MYCBP2: variants seen among roughly 807,000 people sequenced by gnomAD.
MYCBP2 encodes the protein MYC binding protein 2.
A neutral mutation model predicts 525.3 loss-of-function variants in MYCBP2; 120 were observed. The ratio of observed to expected loss-of-function variants is 0.23; its 90% CI spans 0.20 to 0.27. The LOEUF is 0.27. MYCBP2 is among the 10% of genes least tolerant of loss of function. MYCBP2 has a pLI of 1.00. For synonymous variants in MYCBP2, 1,894 were observed against 1,955.8 expected, an observed-to-expected ratio of 0.97 and a Z score of 0.83; for missense variants, 4,149 against 5,657.1, an observed-to-expected ratio of 0.73 and a Z score of 8.55.
At chr13:77,288,422 A>T in intron 2 of MYCBP2, 46 bp from the exon 3 acceptor site, 1 of 1,472,980 alleles carries the variant, frequency 6.8e-7, no homozygotes, top group Non-Finnish European at 9.4e-7. Flanking sequence ...CTTTTCTATC[A>T]TCAAGTCCCA....
At chr13:77,243,644 C>G (rs2154317359) in intron 16 of MYCBP2, among the ~76,000 whole-genome samples, 162 bp downstream of exon 16, 1 of 151,670 alleles carries the variant, frequency 6.6e-6, no homozygotes, top group Middle Eastern at 3.4e-3. Flanking sequence ...AGAATCTCAT[C>G]CCTTAAACAA....
intron 20 of MYCBP2, among the ~76,000 whole-genome samples, chr13:77,222,197 T>C (rs2065684428): frequency 6.6e-6 from 1 of 152,144 alleles, no homozygotes; most frequent in Non-Finnish European, 1.5e-5. Flanking sequence ...CAAAGCAAAA[T>C]ATCAGTTGGC....
At chr13:77,100,781 T>C (rs1178180415) in intron 55 of MYCBP2, among the ~76,000 whole-genome samples, 1 of 152,080 alleles carries the variant, frequency 6.6e-6, no homozygotes, top group Admixed American at 6.6e-5. Flanking sequence ...CTTTATCATA[T>C]TATGTGCTCT....
chr13:77,076,808 T>C lies in MYCBP2; in HGVS notation c.11766A>G (p.Pro3922=). ...KLISGDAEPT[P]EQEEKALLSS... Reference sequence around the variant, plus strand: ...ACAATAGTGCTTTTTCCTCTTGTTCTGGTGTAGGTTCAGCATCTCCAGAGA... The same window carrying C: ...ACAATAGTGCTTTTTCCTCTTGTTCCGGTGTAGGTTCAGCATCTCCAGAGA... The change falls in exon 68 of 83, where the codon CCA becomes CCG. Residue 3922 remains proline (P), a synonymous_variant. Coordinates refer to ENST00000544440, the MANE Select transcript of MYCBP2 (RefSeq NM_015057.5). 6.2e-7 allele frequency: 1 copy of C among 1,613,402 alleles called. No homozygotes were observed. The highest frequency in any genetic ancestry group is 1.1e-5 in the South Asian group (1 of 90,980).
intron 76 of MYCBP2, 114 bp downstream of exon 76, chr13:77,061,055 G>T (rs1475534325): frequency 8.8e-7 from 1 of 1,140,364 alleles, no homozygotes; most frequent in Non-Finnish European, 1.2e-6. Flanking sequence ...GATCAATGAT[G>T]TCATAATTAA....
intron 28 of MYCBP2, among the ~76,000 whole-genome samples, chr13:77,191,391 T>C (rs1372305256): frequency 6.6e-6 from 1 of 152,196 alleles, no homozygotes; most frequent in Non-Finnish European, 1.5e-5. Context: ...CCTTGTCACC[T>C]TCCTCTATAT....
intron 55 of MYCBP2, among the ~76,000 whole-genome samples, chr13:77,118,131 T>C (rs1253561748): frequency 6.6e-6 from 1 of 152,208 alleles, no homozygotes; most frequent in African/African-American, 2.4e-5. Context: ...ACCATAGTCA[T>C]GCATATGAAC....
chr13:77,140,979 A>G (rs1566680295), intron 49 of MYCBP2, 36 bp from the exon 50 acceptor site: 4 of 1,445,928 alleles, frequency 2.8e-6, no homozygotes, highest in Non-Finnish European at 3.8e-6. Context: ...ACATTTGAGA[A>G]AAAAAGAGAA....
intron 31 of MYCBP2, among the ~76,000 whole-genome samples, 169 bp downstream of exon 31, chr13:77,185,702 C>T (rs1356755696): frequency 6.6e-6 from 1 of 152,184 alleles, no homozygotes; most frequent in African/African-American, 2.4e-5. Context: ...ATCTATTTTA[C>T]TCTTTATAAG....
At chr13:77,252,564 C>T (rs539089126) in intron 14 of MYCBP2, among the ~76,000 whole-genome samples, 235 of 152,276 alleles carry the variant, frequency 1.5e-3, no homozygotes, top group African/African-American at 5.3e-3. Context: ...CCTAAAGGAT[C>T]TAAGTTATGA....
intron 1 of MYCBP2, among the ~76,000 whole-genome samples, chr13:77,303,557 AAAAC>A (rs2079043309): frequency 6.6e-6 from 1 of 152,234 alleles, no homozygotes; most frequent in African/African-American, 2.4e-5. Flanking sequence ...AAATTAAAAA[AAAAC>A]AAACAACTAA....
chr13:77,139,384 A>G, intron 51 of MYCBP2, 48 bp from the exon 52 acceptor site: 2 of 1,590,298 alleles, frequency 1.3e-6, no homozygotes, highest in Non-Finnish European at 1.7e-6. Flanking sequence ...TGTAAGTCCT[A>G]TGAGGCTAGC....
At chr13:77,090,341 T>C (rs2045181569) in intron 59 of MYCBP2, 78 bp from the exon 60 acceptor site, 2 of 1,183,484 alleles carry the variant, frequency 1.7e-6, no homozygotes, top group African/African-American at 3.1e-5. Context: ...TGATGCAAAA[T>C]ATGTGACTCA....
intron 18 of MYCBP2, among the ~76,000 whole-genome samples, 194 bp downstream of exon 18, chr13:77,232,962 G>A (rs1204051315): frequency 6.6e-5 from 10 of 152,046 alleles, no homozygotes; most frequent in Admixed American, 2.6e-4. Flanking sequence ...GAAAGCTAAC[G>A]ACAACAAAAA....
chr13:77,308,958 A>G (rs1483655728), intron 1 of MYCBP2, among the ~76,000 whole-genome samples: 1 of 152,212 alleles, frequency 6.6e-6, no homozygotes, highest in African/African-American at 2.4e-5. Context: ...CCCTGCACAC[A>G]GGCCAAGTGT....
chr13:77,190,444 T>C (rs2061190907), intron 28 of MYCBP2, 109 bp from the exon 29 acceptor site: 2 of 675,202 alleles, frequency 3.0e-6, no homozygotes, highest in Non-Finnish European at 5.0e-6. Flanking sequence ...TTCACTCTTT[T>C]ACATAAAGAA....
rs139643090 is a variant in MYCBP2 at position 77,150,399 on chromosome 13, C to T, written c.7131+335G>A. Among the ~76,000 whole-genome samples the T allele has an allele frequency of 6.4e-3, 973 of 152,264 alleles. 8 individuals are homozygous for T. Among genetic ancestry groups the T allele is most frequent in the African/African-American group, 0.022 (910 of 41,534 alleles). ...TCAAGTGATGTTCCCTCCTTGGCCT[C>T]CCAAAGCCCTGGGATTATAGGTGTG... On this transcript the variant is annotated intron_variant, in intron 47 of 82. Coordinates refer to ENST00000544440, the MANE Select transcript of MYCBP2 (RefSeq NM_015057.5).
Position 77,168,411 on chromosome 13 carries a change from T to C in MYCBP2, c.6114+17A>G, listed in dbSNP as rs929067838. On this transcript the variant is annotated intron_variant, in intron 40 of 82. Coordinates refer to ENST00000544440, the MANE Select transcript of MYCBP2 (RefSeq NM_015057.5). ...GCCAAGTTTTACATTCGAATCACAC[T>C]AAGAACCGGTGCCTACCTTGTAATG... 6.2e-7 allele frequency: 1 copy of C among 1,609,602 alleles called. No homozygotes were observed. The highest frequency in any genetic ancestry group is 2.2e-5 in the East Asian group (1 of 44,840).
intron 7 of MYCBP2, 98 bp downstream of exon 7, chr13:77,269,894 T>C (rs866584838): frequency 2.5e-5 from 23 of 913,168 alleles, no homozygotes; most frequent in Middle Eastern, 2.3e-4. Flanking sequence ...TATATTATCA[T>C]TTCTGTTTAA....
Sources: allele counts gnomAD v4.1 joint callset (sites outside exome capture counted in the v4.1 genomes callset), GRCh38; gene constraint gnomAD v4.1.1; transcripts MANE v1.5; gene names NCBI Gene and HGNC (gene_info 2026-07-23, HGNC 2026-07-21).